The following LARP4B variants were observed in gnomAD, a reference collection of about 807,000 sequenced individuals.
The protein encoded by LARP4B is La ribonucleoprotein 4B, also known as la-related protein 4B.
LARP4B carries 12 observed loss-of-function variants against 89.8 expected under a neutral mutation model. The ratio of observed to expected loss-of-function variants is 0.13; its 90% CI spans 0.09 to 0.22. LARP4B has a LOEUF of 0.22. Ranked by LOEUF, LARP4B falls within the 10% of genes least tolerant of loss-of-function variation. The pLI, the probability that LARP4B is intolerant of heterozygous loss-of-function variation, is 1.00. For synonymous variants in LARP4B, 367 were observed against 363.3 expected (o/e 1.01, Z -0.12); for missense variants, 757 against 947.7 (o/e 0.80, Z 2.64).
At chr10:945,096 T>C in the LARP4B span, among the ~76,000 whole-genome samples, 1 of 152,198 alleles carries the variant, frequency 6.6e-6, no homozygotes, top group Admixed American at 6.5e-5. Flanking sequence ...ATAAAGACAT[T>C]TTTAAGGCTG....
chr10:918,698 T>C (rs1836894474), intron 1 of LARP4B, among the ~76,000 whole-genome samples: 2 of 147,236 alleles, frequency 1.4e-5, no homozygotes, highest in Non-Finnish European at 3.0e-5. Context: ...AAAATTCCTA[T>C]CACTTCCAAT....
At position 854,648 on chromosome 10, in the gene LARP4B, T is replaced by A. The variant is rs148124012; in HGVS notation, c.430+9095A>T. Among the ~76,000 whole-genome samples the A allele has an allele frequency of 7.9e-3, 1,196 of 152,246 alleles. 16 individuals are homozygous for A. The highest frequency in any genetic ancestry group is 0.027 in the African/African-American group (1,103 of 41,538). Reference sequence around the variant, plus strand: ...TTCAGTAAACCATGATGTAAACAGATGTCCTGTCATCCAGGCTTTGTTGTT... The same window carrying A: ...TTCAGTAAACCATGATGTAAACAGAAGTCCTGTCATCCAGGCTTTGTTGTT... On this transcript the variant is annotated intron_variant, in intron 5 of 17. Transcript: ENST00000316157.
intron 11 of LARP4B, among the ~76,000 whole-genome samples, chr10:827,069 A>T (rs1023565303): frequency 3.3e-5 from 5 of 152,084 alleles, no homozygotes; most frequent in African/African-American, 4.8e-5. Flanking sequence ...AGGTCAGGAG[A>T]TCAAGACCAT....
At chr10:829,257 A>T (rs1588871400) in intron 11 of LARP4B, 128 bp downstream of exon 11, 2 of 771,066 alleles carry the variant, frequency 2.6e-6, no homozygotes, top group African/African-American at 1.8e-5. Flanking sequence ...CCCCCACATA[A>T]CTTGAAGGTC....
chr10:855,534 C>A (rs1022960919), intron 5 of LARP4B, among the ~76,000 whole-genome samples: 4 of 152,100 alleles, frequency 2.6e-5, no homozygotes, highest in Non-Finnish European at 4.4e-5. Flanking sequence ...TCAGAACACA[C>A]ACGTCATTTA....
intron 5 of LARP4B, among the ~76,000 whole-genome samples, chr10:860,214 T>C (rs567040307): frequency 2.6e-5 from 4 of 152,250 alleles, no homozygotes; most frequent in African/African-American, 9.6e-5. Context: ...AAACAGTCTT[T>C]TTTTTAAAAA....
intron 5 of LARP4B, among the ~76,000 whole-genome samples, chr10:852,379 C>A (rs192072856): frequency 6.6e-6 from 1 of 152,270 alleles, no homozygotes; most frequent in African/African-American, 2.4e-5. Flanking sequence ...TCCGAACACA[C>A]TAAAAAACAA....
chr10:885,034 T>A (rs768783290), intron 2 of LARP4B, among the ~76,000 whole-genome samples: 3 of 152,124 alleles, frequency 2.0e-5, no homozygotes, highest in Non-Finnish European at 4.4e-5. Flanking sequence ...CTCAGGACTT[T>A]CTCCCCAAAA....
At chr10:970,900 T>C in the LARP4B span, among the ~76,000 whole-genome samples, 1 of 152,196 alleles carries the variant, frequency 6.6e-6, no homozygotes, top group African/African-American at 2.4e-5. Context: ...GAGCGTTTTA[T>C]GATGGATGTG....
At chr10:868,098 T>A (rs1835008419) in intron 3 of LARP4B, among the ~76,000 whole-genome samples, 1 of 151,950 alleles carries the variant, frequency 6.6e-6, no homozygotes, top group Non-Finnish European at 1.5e-5. Flanking sequence ...TATCAATTAA[T>A]AAGCTTGTAT....
the LARP4B span, among the ~76,000 whole-genome samples, chr10:984,933 T>A: frequency 6.6e-6 from 1 of 152,196 alleles, no homozygotes; most frequent in South Asian, 2.1e-4. Flanking sequence ...CCCTGTCTCA[T>A]AAATAAATAA....
chr10:895,597 C>T (rs1836162301), intron 1 of LARP4B, among the ~76,000 whole-genome samples: 1 of 149,810 alleles, frequency 6.7e-6, no homozygotes, highest in Non-Finnish European at 1.5e-5. Context: ...CACTTGAATC[C>T]AGGAGGTGGA....
intron 8 of LARP4B, among the ~76,000 whole-genome samples, chr10:831,577 G>A (rs1473028696): frequency 6.6e-6 from 1 of 152,136 alleles, no homozygotes; most frequent in Non-Finnish European, 1.5e-5. Context: ...GGGATGAGAG[G>A]GAACAAGCCC....
chr10:904,202 T>C (rs1209722891), intron 1 of LARP4B, among the ~76,000 whole-genome samples: 1 of 152,158 alleles, frequency 6.6e-6, no homozygotes. Flanking sequence ...AAGGATTACT[T>C]GAGCTCAGGA....
intron 1 of LARP4B, among the ~76,000 whole-genome samples, chr10:915,061 G>C (rs1836782623): frequency 6.6e-6 from 1 of 152,148 alleles, no homozygotes; most frequent in Non-Finnish European, 1.5e-5. Flanking sequence ...TGGAGCACTG[G>C]TCTGCTCTTT....
At chr10:890,825 G>T (rs950750256) in intron 1 of LARP4B, among the ~76,000 whole-genome samples, 9 of 152,144 alleles carry the variant, frequency 5.9e-5, no homozygotes, top group Non-Finnish European at 1.2e-4. Flanking sequence ...CCCTGAGGGG[G>T]TTTTCTACGA....
chr10:829,676 C>T lies in LARP4B; in HGVS notation c.915+5G>A, dbSNP rs1414224037. On this transcript the variant is annotated splice_donor_5th_base_variant and intron_variant, in intron 10 of 17. Transcript: ENST00000316157. ...AAACAAAGTATAACCAATGGTCTTG[C>T]TTACCTTAATTGGTTTTCCTTGAAA... 1.2e-6 allele frequency: 2 copies of T among 1,612,490 alleles called. No homozygotes were observed. Among genetic ancestry groups the T allele is most frequent in the Non-Finnish European group, 1.7e-6 (2 of 1,178,704 alleles).
At chr10:873,178 T>C (rs1835310533) in intron 3 of LARP4B, 2 of 985,328 alleles carry the variant, frequency 2.0e-6, no homozygotes, top group African/African-American at 1.7e-5. Context: ...ACAGGCGTGC[T>C]GGTCCCAAGC....
chr10:892,640 T>C (rs1289759318), intron 1 of LARP4B, among the ~76,000 whole-genome samples: 2 of 150,814 alleles, frequency 1.3e-5, no homozygotes, highest in South Asian at 2.1e-4. Context: ...CCCAGGTTCA[T>C]GCCATTCTCC....
Sources: gnomAD v4.1 joint callset for allele counts (sites outside exome capture counted in the v4.1 genomes callset) on GRCh38, gnomAD v4.1.1 for gene constraint, MANE v1.5 for transcripts, NCBI Gene and HGNC (gene_info 2026-07-23, HGNC 2026-07-21) for gene names.